LRP1B: variants seen among roughly 807,000 people sequenced by gnomAD.
The protein encoded by LRP1B is LDL receptor related protein 1B.
Under a neutral mutation model 556.6 loss-of-function variants are expected in LRP1B, and 217 were observed. That is an observed-to-expected ratio of 0.39 (90% CI 0.35 to 0.44). The LOEUF (loss-of-function observed/expected upper bound fraction) is 0.44. LRP1B is among the 20% of genes least tolerant of loss of function. The pLI, the probability that LRP1B is intolerant of heterozygous loss-of-function variation, is 1.00. For synonymous variants in LRP1B, 2,047 were observed against 1,865.8 expected, an observed-to-expected ratio of 1.10 and a Z score of -2.50; for missense variants, 5,053 against 5,620.8, an observed-to-expected ratio of 0.90 and a Z score of 3.23.
intron 3 of LRP1B, among the ~76,000 whole-genome samples, chr2:141,425,621 G>A (rs1410641061): frequency 3.4e-5 from 5 of 149,106 alleles, no homozygotes; most frequent in Admixed American, 2.0e-4. Context: ...TCTAACTGGT[G>A]TGAGATGGTA....
intron 41 of LRP1B, among the ~76,000 whole-genome samples, chr2:140,647,762 T>C (rs986629248): frequency 2.6e-5 from 4 of 152,198 alleles, no homozygotes; most frequent in African/African-American, 9.6e-5. Context: ...CCAGTTAGAA[T>C]GGCGATCATT....
chr2:141,755,568 C>A (rs1001082135), intron 2 of LRP1B, among the ~76,000 whole-genome samples: 1 of 151,856 alleles, frequency 6.6e-6, no homozygotes, highest in Non-Finnish European at 1.5e-5. Context: ...AAAGAGGTCA[C>A]GAGGTAAAAA....
At chr2:141,660,878 A>AC (rs1331083292) in intron 2 of LRP1B, among the ~76,000 whole-genome samples, 1 of 151,538 alleles carries the variant, frequency 6.6e-6, no homozygotes, top group Non-Finnish European at 1.5e-5. Context: ...ACTGGGTGAG[A>AC]CCCCCAATCA....
At chr2:141,456,056 C>A (rs1228149369) in intron 3 of LRP1B, among the ~76,000 whole-genome samples, 1 of 152,172 alleles carries the variant, frequency 6.6e-6, no homozygotes, top group Non-Finnish European at 1.5e-5. Flanking sequence ...GCAATTTTTT[C>A]TTCTTCATTC....
At position 141,696,559 on chromosome 2, in the gene LRP1B, A is replaced by G. The variant is rs187984834; in HGVS notation, c.205+113720T>C. Among the ~76,000 whole-genome samples, 54 of 151,802 alleles carry G rather than the reference A, an allele frequency of 3.6e-4. No homozygotes were observed. The East Asian group carries it at 0.01, about 28-fold the overall frequency. On this transcript the variant is annotated intron_variant, in intron 2 of 90. Coordinates refer to ENST00000389484, the MANE Select transcript of LRP1B (RefSeq NM_018557.3). ...ACAGGGGTGCAACTGAAGACTTAGA[A>G]CAACTCTGAATACCAGATGCTTCTC...
chr2:141,898,210 C>T (rs1699511172), intron 1 of LRP1B, among the ~76,000 whole-genome samples: 1 of 152,096 alleles, frequency 6.6e-6, no homozygotes, highest in African/African-American at 2.4e-5. Flanking sequence ...CTGTCTCTGT[C>T]CTCCATCGCC....
intron 2 of LRP1B, among the ~76,000 whole-genome samples, chr2:141,758,893 C>T (rs1694420795): frequency 6.6e-6 from 1 of 151,970 alleles, no homozygotes; most frequent in Non-Finnish European, 1.5e-5. Flanking sequence ...ATTATTCTGT[C>T]CTTCAAATTT....
chr2:141,214,430 T>C (rs1486136779), intron 6 of LRP1B, among the ~76,000 whole-genome samples: 1 of 152,182 alleles, frequency 6.6e-6, no homozygotes, highest in Non-Finnish European at 1.5e-5. Flanking sequence ...ACATATAGTA[T>C]TGGGATTGCA....
chr2:140,875,213 T>C (rs1355791887), intron 25 of LRP1B, among the ~76,000 whole-genome samples: 1 of 152,148 alleles, frequency 6.6e-6, no homozygotes, highest in African/African-American at 2.4e-5. Context: ...TGTGATATTG[T>C]AAAGGCAGAT....
At chr2:140,510,129 T>C (rs2104918256) in intron 51 of LRP1B, 73 bp from the exon 52 acceptor site, 1 of 1,509,468 alleles carries the variant, frequency 6.6e-7, no homozygotes, top group Non-Finnish European at 9.1e-7. Context: ...TTACATTTTC[T>C]ACAGTAAGGG....
At chr2:141,275,587 G>C (rs1685254515) in intron 3 of LRP1B, among the ~76,000 whole-genome samples, 1 of 152,128 alleles carries the variant, frequency 6.6e-6, no homozygotes, top group Non-Finnish European at 1.5e-5. Context: ...GTGCATGTCT[G>C]TAGTCTTGAC....
chr2:141,368,815 T>C (rs1387033768), intron 3 of LRP1B, among the ~76,000 whole-genome samples: 2 of 152,208 alleles, frequency 1.3e-5, no homozygotes, highest in Admixed American at 6.5e-5. Flanking sequence ...ATAAGTTCGA[T>C]TGAGATACAC....
chr2:142,087,187 T>C (rs1287700416), intron 1 of LRP1B, among the ~76,000 whole-genome samples: 1 of 152,186 alleles, frequency 6.6e-6, no homozygotes, highest in Non-Finnish European at 1.5e-5. Context: ...TGAGAGTGTA[T>C]AATAATTTTC....
chr2:140,443,821 AC>A (rs774437276), intron 65 of LRP1B, among the ~76,000 whole-genome samples: 1 of 152,216 alleles, frequency 6.6e-6, no homozygotes, highest in Non-Finnish European at 1.5e-5. Flanking sequence ...TTGTTAAGAT[AC>A]GTTAAATGGA....
chr2:141,760,259 A>G (rs10169631), intron 2 of LRP1B, among the ~76,000 whole-genome samples: 4,992 of 152,240 alleles, frequency 0.033, 267 homozygotes, highest in African/African-American at 0.11. Context: ...TGATGGTACA[A>G]CCATTTGATG....
At chr2:140,966,365 T>A (rs576384989) in intron 18 of LRP1B, among the ~76,000 whole-genome samples, 1 of 152,248 alleles carries the variant, frequency 6.6e-6, no homozygotes. Flanking sequence ...GAGAAGTGTC[T>A]GTTCATATCC....
intron 43 of LRP1B, chr2:140,586,554 C>A (rs1292311930): frequency 6.6e-6 from 1 of 152,324 alleles, no homozygotes; most frequent in Non-Finnish European, 1.5e-5. Flanking sequence ...AAGCAGCTCA[C>A]TGGAGGGTCA....
chr2:141,084,505 A>T (rs1699999580), intron 7 of LRP1B, among the ~76,000 whole-genome samples: 1 of 152,212 alleles, frequency 6.6e-6, no homozygotes, highest in Non-Finnish European at 1.5e-5. Context: ...TTGTTGTTGC[A>T]TGTTATAGTA....
intron 87 of LRP1B, 66 bp from the exon 88 acceptor site, chr2:140,239,598 G>T: frequency 9.7e-7 from 1 of 1,028,034 alleles, no homozygotes; most frequent in Non-Finnish European, 1.5e-6. Flanking sequence ...ATAAAACTAA[G>T]TACTTTATTA....
Sources: gnomAD v4.1 joint callset for allele counts (sites outside exome capture counted in the v4.1 genomes callset) on GRCh38, gnomAD v4.1.1 for gene constraint, MANE v1.5 for transcripts, NCBI Gene and HGNC (gene_info 2026-07-23, HGNC 2026-07-21) for gene names.